RNF103: variants seen among roughly 807,000 people sequenced by gnomAD.
The protein encoded by RNF103 is E3 ubiquitin-protein ligase RNF103.
Under a neutral mutation model 66.2 loss-of-function variants are expected in RNF103, and 23 were observed. The observed-to-expected ratio is 0.35, with a 90% confidence interval of 0.25 to 0.49. The LOEUF is 0.49. Ranked by LOEUF, RNF103 falls within the 20% of genes least tolerant of loss-of-function variation. RNF103 has a pLI of 0.98. For missense variants in RNF103, 730 were observed against 814.7 expected (o/e 0.90, Z 1.27); for synonymous variants, 297 against 289.9 (o/e 1.02, Z -0.25).
Position 86,622,755 on chromosome 2 carries a change from G to C in RNF103, c.132C>G (p.Ser44Arg), listed in dbSNP as rs778641337. Residue 44 changes from serine to arginine, a missense_variant, in exon 1 of 4, where the codon AGC (serine) becomes AGG (arginine). Physicochemically the swap from Ser to Arg is moderately radical, Grantham distance 110. This residue lies in a region of RNF103 where 327 missense variants were observed against 369.8 expected (regional missense o/e 0.88). Transcript: ENST00000237455. ...CCAAAATGGTCTTCAGCTTCTTGAA[G>C]CTCAGCGCCACCGGATCCACCAGCT... ...ATQLVDPVAL[S>R]FKKLKTILEC... The C allele has an allele frequency of 1.1e-5, 18 of 1,614,152 alleles. No homozygotes were observed. Among genetic ancestry groups the C allele is most frequent in the Non-Finnish European group, 1.4e-5 (17 of 1,180,020 alleles).
intron 2 of RNF103, chr2:86,612,854 T>C (rs1246539778): frequency 6.6e-6 from 1 of 152,250 alleles, no homozygotes; most frequent in Non-Finnish European, 1.5e-5. Context: ...AGAATTACCA[T>C]TCTTCTTATT....
In RNF103 at chr2:86,604,280, T is replaced by C. The variant is rs753561953; in HGVS notation, c.1621A>G (p.Ser541Gly). The C allele has an allele frequency of 3.7e-6, 6 of 1,614,250 alleles. No individual in the cohort carries two copies. The East Asian group carries it at 8.9e-5, about 24-fold the overall frequency. Reference protein sequence around the residue: ...GSQDTENDSESENTDTLSSEK... With the variant: ...GSQDTENDSEGENTDTLSSEK... ...CTACTCAAAGTGTCTGTGTTCTCAC[T>C]TTCCGAGTCATTTTCAGTATCTTGA... The change falls in exon 4 of 4, where the codon AGT becomes GGT. Residue 541 changes from serine (S) to glycine (G), a missense_variant. This residue lies in a region of RNF103 where 355 missense variants were observed against 351.9 expected (regional missense o/e 1.01). Transcript: ENST00000237455.
chr2:86,605,519 T>G (rs1678513918), intron 3 of RNF103, 101 bp from the exon 4 acceptor site: 1 of 1,254,246 alleles, frequency 8.0e-7, no homozygotes, highest in South Asian at 1.8e-5. Context: ...GCCAAATAAT[T>G]TCCAAATAAT....
chr2:86,605,801 T>C (rs1469351763), intron 3 of RNF103, among the ~76,000 whole-genome samples: 2 of 152,206 alleles, frequency 1.3e-5, no homozygotes, highest in Non-Finnish European at 2.9e-5. Context: ...ATATATTCTG[T>C]TGCTAAATAA....
chr2:86,612,260 G>A lies in RNF103; in HGVS notation c.381C>T (p.Asp127=). The A allele has an allele frequency of 6.2e-7, 1 of 1,611,792 alleles. No homozygotes were observed. The highest frequency in any genetic ancestry group is 1.1e-5 in the South Asian group (1 of 90,800). ...GIWLVQVIAN[D]RSPLVGKIHW... Reference sequence around the variant, plus strand: ...GAATTTTGCCCACCAAGGGACTTCTGTCATTTGCTATGACCTATTCCCAAA... The same window carrying A: ...GAATTTTGCCCACCAAGGGACTTCTATCATTTGCTATGACCTATTCCCAAA... The change falls in exon 3 of 4, where the codon GAC becomes GAT. Residue 127 remains aspartate (D), a synonymous_variant. Transcript: ENST00000237455.
chr2:86,614,658 C>T, intron 2 of RNF103: 1 of 633,904 alleles, frequency 1.6e-6, no homozygotes, highest in Non-Finnish European at 2.0e-6. Flanking sequence ...TCAAGCAAAG[C>T]AGGCGCCTAT....
In RNF103 at chr2:86,623,356, C is replaced by G. The variant is rs1573374490; in HGVS notation, c.-470G>C. 1.0e-6 allele frequency: 1 copy of G among 983,626 alleles called. No homozygotes were observed. The highest frequency in any genetic ancestry group is 1.1e-4 in the East Asian group (1 of 8,740). 60.9% of individuals were successfully genotyped at this position (983,626 alleles called of 1,614,324 possible). ...GGAGGCGGGGATCCGGGCGGCAGGC[C>G]GGGGCCCGAGGGGCCGTGGGGGCCG... On this transcript the variant is annotated 5_prime_UTR_variant, in exon 1 of 4. Coordinates refer to ENST00000237455, the MANE Select transcript of RNF103 (RefSeq NM_005667.4).
intron 2 of RNF103, among the ~76,000 whole-genome samples, chr2:86,615,784 G>C (rs140315574): frequency 1.8e-4 from 27 of 152,234 alleles, no homozygotes; most frequent in Non-Finnish European, 2.8e-4. Context: ...ATACAGGCTA[G>C]AAGTGAAGCA....
rs1031813848 is a variant in RNF103, at chr2:86,612,079, G to A, written c.482+80C>T. The A allele has an allele frequency of 5.2e-5, 43 of 820,862 alleles. No homozygotes were observed. In the African/African-American group the frequency reaches 7.1e-4, roughly 14 times the overall value. The allele number at this position is 820,862 out of a possible 1,614,324, so 50.8% of individuals were successfully genotyped here. Reference sequence around the variant, plus strand: ...TATAATAAGCTTTCAGTTCAAGCAGGCTTCTAGTATCATTGCCCTTTTTAA... The same window carrying A: ...TATAATAAGCTTTCAGTTCAAGCAGACTTCTAGTATCATTGCCCTTTTTAA... On this transcript the variant is annotated intron_variant, in intron 3 of 3. Coordinates refer to ENST00000237455, the MANE Select transcript of RNF103 (RefSeq NM_005667.4).
In RNF103 at chr2:86,604,285, G is replaced by C. The variant is rs143477816; in HGVS notation, c.1616C>G (p.Ser539Trp). Residue 539 changes from serine (S) to tryptophan (W), a missense_variant, in exon 4 of 4, where the codon TCG becomes TGG. By Grantham distance (177) the Ser-to-Trp change is radical. This residue lies in a region of RNF103 where 355 missense variants were observed against 351.9 expected (regional missense o/e 1.01). Transcript: ENST00000237455. ...CAAAGTGTCTGTGTTCTCACTTTCC[G>C]AGTCATTTTCAGTATCTTGAGACCC... ...SEGSQDTEND[S>W]ESENTDTLSS... 9.1e-5 allele frequency: 147 copies of C among 1,614,032 alleles called. No individual in the cohort carries two copies. The highest frequency in any genetic ancestry group is 1.2e-4 in the Non-Finnish European group (141 of 1,180,052).
intron 3 of RNF103, among the ~76,000 whole-genome samples, chr2:86,607,840 A>G (rs1451611564): frequency 1.3e-5 from 2 of 152,228 alleles, no homozygotes; most frequent in Non-Finnish European, 2.9e-5. Flanking sequence ...ATTAAATGAC[A>G]GCCTTTCTGA....
At chr2:86,614,756 A>C (rs218060) in intron 2 of RNF103, 680,148 of 957,842 alleles carry the variant, frequency 0.71, 242,911 homozygotes, top group East Asian at 0.95. Flanking sequence ...ATCAAAGACA[A>C]GTTTAACTTA....
Position 86,622,811 on chromosome 2 carries a change from C to G in RNF103, c.76G>C (p.Val26Leu). ...FVLARFFEAI[V>L]WYETGIFATQ... ...GCAAAGATGCCAGTTTCATACCACA[C>G]AATGGCCTCAAAAAACCTGGCCAGG... Residue 26 changes from valine to leucine, a missense_variant, in exon 1 of 4, where the codon GTG (valine) becomes CTG (leucine). This residue lies in a region of RNF103 where 327 missense variants were observed against 369.8 expected (regional missense o/e 0.88). Transcript: ENST00000237455. The G allele has an allele frequency of 6.2e-7, 1 of 1,614,148 alleles. No individual in the cohort carries two copies. The highest frequency in any genetic ancestry group is 8.5e-7 in the Non-Finnish European group (1 of 1,180,018).
Position 86,623,572 on chromosome 2 carries a change from G to A in RNF103, c.-686C>T. The stretch of plus-strand genomic sequence containing the variant: ...CGGCGGCTCCAGGTTCGCTCGGGCC[G>A]GCTGGCGGGCGGCGCCTCTCAGGCG... On this transcript the variant is annotated 5_prime_UTR_variant, in exon 1 of 4. Transcript: ENST00000237455. 1.0e-6 allele frequency: 1 copy of A among 997,530 alleles called. No individual in the cohort carries two copies. The highest frequency in any genetic ancestry group is 1.2e-6 in the Non-Finnish European group (1 of 837,082). The allele number at this position is 997,530 out of a possible 1,614,324, so 61.8% of individuals were successfully genotyped here. A position where few individuals can be genotyped will look rare whatever the true frequency, so the allele number is the denominator to read the frequency against.
intron 1 of RNF103, among the ~76,000 whole-genome samples, chr2:86,621,504 T>A (rs1002283147): frequency 6.6e-6 from 1 of 152,282 alleles, no homozygotes; most frequent in Non-Finnish European, 1.5e-5. Context: ...AAGAATAATA[T>A]ACGATTTTAT....
chr2:86,611,889 A>G (rs891002593), intron 3 of RNF103, among the ~76,000 whole-genome samples: 1 of 152,204 alleles, frequency 6.6e-6, no homozygotes, highest in Admixed American at 6.5e-5. Context: ...ACACAATCTT[A>G]AGAGATATCT....
rs1234096128 is a variant in RNF103 at position 86,623,434 on chromosome 2, G to C, written c.-548C>G. 5.2e-5 allele frequency: 51 copies of C among 981,866 alleles called. No individual in the cohort carries two copies. Among genetic ancestry groups the C allele is most frequent in the Non-Finnish European group, 5.8e-5 (48 of 828,548 alleles). The allele number at this position is 981,866 out of a possible 1,614,324, so 60.8% of individuals were successfully genotyped here. ...CGCGGCGCTCGGCCGGGCCAGGCCCGGGGCCCAGCGTGTTCTGCGCGGGGA... is the reference window on the plus strand; with the variant it reads ...CGCGGCGCTCGGCCGGGCCAGGCCCCGGGCCCAGCGTGTTCTGCGCGGGGA... On this transcript the variant is annotated 5_prime_UTR_variant, in exon 1 of 4. Transcript: ENST00000237455.
chr2:86,604,971 C>T lies in RNF103; in HGVS notation c.930G>A (p.Gln310=). 1 of 1,614,094 alleles carries T rather than the reference C, an allele frequency of 6.2e-7. No individual in the cohort carries two copies. The highest frequency in any genetic ancestry group is 8.5e-7 in the Non-Finnish European group (1 of 1,180,010). ...ATGAGCGCAAAAATGAATCCATGGC[C>T]TGAAGGGATATAAATTCGCCTGTGT... ...GNHTGEFISL[Q]AMDSFLRSLQ... is the part of the protein sequence containing the mutation. The change falls in exon 4 of 4, where the codon CAG becomes CAA. Residue 310 remains glutamine, a synonymous_variant. Transcript: ENST00000237455.
At position 86,604,312 on chromosome 2, in the gene RNF103, T is replaced by G. The variant is rs1465094494; in HGVS notation, c.1589A>C (p.Glu530Ala). ...LGVQSEEEMS[E>A]GSQDTENDSE... is the part of the protein sequence containing the mutation. ...GTCATTTTCAGTATCTTGAGACCCCTCCGACATTTCCTCTTCAGACTGGAC... is the reference window on the plus strand; with the variant it reads ...GTCATTTTCAGTATCTTGAGACCCCGCCGACATTTCCTCTTCAGACTGGAC... Residue 530 changes from glutamate (E) to alanine (A), a missense_variant, in exon 4 of 4, where the codon GAG becomes GCG. By Grantham distance (107) the Glu-to-Ala change is moderately radical (BLOSUM62 -1). This residue lies in a region of RNF103 where 355 missense variants were observed against 351.9 expected (regional missense o/e 1.01). Transcript: ENST00000237455. 5.0e-5 allele frequency: 80 copies of G among 1,614,114 alleles called. No homozygotes were observed. Among genetic ancestry groups the G allele is most frequent in the Non-Finnish European group, 6.5e-5 (77 of 1,180,050 alleles).
Sources: allele counts gnomAD v4.1 joint callset (sites outside exome capture counted in the v4.1 genomes callset), GRCh38; gene constraint gnomAD v4.1.1; regional missense constraint gnomAD v4.1.1; transcripts MANE v1.5; gene names NCBI Gene and HGNC (gene_info 2026-07-23, HGNC 2026-07-21).